Variants in MAPT observed in about 807,000 individuals in gnomAD.
The protein encoded by MAPT is microtubule-associated protein tau.
Under a neutral mutation model 67.9 loss-of-function variants are expected in MAPT, and 34 were observed. That is an observed-to-expected ratio of 0.50 (90% CI 0.38 to 0.67). The LOEUF is 0.67. Ranked by LOEUF, MAPT falls within the 30% of genes least tolerant of loss-of-function variation. The pLI, the probability that MAPT is intolerant of heterozygous loss-of-function variation, is 0.00. For synonymous variants in MAPT, 456 were observed against 464.5 expected (o/e 0.98, Z 0.23); for missense variants, 881 against 1,115.2 (o/e 0.79, Z 2.99).
At chr17:46,014,198 C>A in intron 10 of MAPT, 45 bp from the exon 11 acceptor site, 1 of 1,104,776 alleles carries the variant, frequency 9.1e-7, no homozygotes, top group Non-Finnish European at 1.4e-6. Context: ...CTGTCTTCCT[C>A]TCTCTCTGCC....
intron 1 of MAPT, among the ~76,000 whole-genome samples, chr17:45,903,185 G>A (rs942877564): frequency 1.3e-5 from 2 of 152,126 alleles, no homozygotes; most frequent in Non-Finnish European, 2.9e-5. Flanking sequence ...ACCGTGGGAC[G>A]GTGCTCCTCC....
chr17:45,980,471 T>A (rs1364545452), intron 4 of MAPT: 4 of 145,480 alleles, frequency 2.7e-5, no homozygotes, highest in Admixed American at 2.1e-4. Context: ...GCCACTGCAC[T>A]CCAGCCTGGG....
chr17:46,015,646 G>A (rs1160487502), intron 11 of MAPT, among the ~76,000 whole-genome samples: 3 of 152,154 alleles, frequency 2.0e-5, no homozygotes, highest in African/African-American at 7.2e-5. Context: ...GCGAGAGAGT[G>A]AGACTCCGTC....
rs1461136135 is a variant in MAPT at position 46,025,736 on chromosome 17, G to A, written c.*1565G>A. On this transcript the variant is annotated 3_prime_UTR_variant, in exon 13 of 13. Coordinates refer to ENST00000262410, the MANE Select transcript of MAPT (RefSeq NM_001377265.1). The stretch of plus-strand genomic sequence containing the variant: ...CCACAGCAGCAGGCTGGGTGTCTTG[G>A]TTGTCAGTGGTGGCACCAGGATGGA... 6.6e-6 allele frequency: 1 copy of A among 152,384 alleles called. No homozygotes were observed. Among genetic ancestry groups the A allele is most frequent in the Admixed American group, 6.5e-5 (1 of 15,290 alleles). The allele number at this position is 152,384 out of a possible 1,614,324, so 9.4% of individuals were successfully genotyped here.
intron 1 of MAPT, among the ~76,000 whole-genome samples, chr17:45,928,059 T>A (rs1469635283): frequency 7.3e-6 from 1 of 136,740 alleles, no homozygotes; most frequent in African/African-American, 2.7e-5. Flanking sequence ...CTCCATCTCC[T>A]CCCAACATGT....
In MAPT at chr17:45,996,957, A is replaced by G. The variant is rs1158032468; in HGVS notation, c.1998+293A>G. On this transcript the variant is annotated intron_variant, in intron 9 of 12. Coordinates refer to ENST00000262410, the MANE Select transcript of MAPT (RefSeq NM_001377265.1). The surrounding 1 kb of genome is among the most constrained non-coding windows in gnomAD (Gnocchi z 4.5). The stretch of plus-strand genomic sequence containing the variant: ...TCTCTTGCCCCTTCAGCCCCTGTTA[A>G]TCGGACAGAGATGGCAGGGCTGTGT... Among the ~76,000 whole-genome samples the G allele has an allele frequency of 6.6e-6, 1 of 152,120 alleles. No homozygotes were observed. The highest frequency in any genetic ancestry group is 6.6e-5 in the Admixed American group (1 of 15,266).
chr17:45,922,167 C>T (rs1473317458), intron 1 of MAPT, among the ~76,000 whole-genome samples: 2 of 152,008 alleles, frequency 1.3e-5, no homozygotes, highest in Non-Finnish European at 2.9e-5. Flanking sequence ...CATGCAGCAC[C>T]ACACCTGGCT....
intron 2 of MAPT, among the ~76,000 whole-genome samples, chr17:45,966,253 G>A (rs1174615777): frequency 3.3e-5 from 5 of 152,200 alleles, no homozygotes; most frequent in Admixed American, 2.0e-4. Context: ...CAAGTTTTCT[G>A]TAAATCTAAA....
intron 1 of MAPT, among the ~76,000 whole-genome samples, chr17:45,958,681 G>A (rs62063271): frequency 0.15 from 22,449 of 150,144 alleles, 2,168 homozygotes; most frequent in Non-Finnish European, 0.22. Flanking sequence ...AGATCACACC[G>A]CTGCACTCCA....
intron 1 of MAPT, among the ~76,000 whole-genome samples, chr17:45,940,878 C>A (rs1048150302): frequency 6.6e-6 from 1 of 152,128 alleles, no homozygotes; most frequent in Non-Finnish European, 1.5e-5. Context: ...TATCAAGGGG[C>A]TTTTTTCTTT....
At chr17:45,933,197 GACTA>G (rs1039094522) in intron 1 of MAPT, among the ~76,000 whole-genome samples, 9 of 151,048 alleles carry the variant, frequency 6.0e-5, no homozygotes, top group South Asian at 2.1e-4. Flanking sequence ...ATGAAAAGCA[GACTA>G]ACTATTAGTT....
intron 1 of MAPT, among the ~76,000 whole-genome samples, chr17:45,929,740 C>T (rs2066675981): frequency 6.6e-6 from 1 of 152,190 alleles, no homozygotes; most frequent in Non-Finnish European, 1.5e-5. Context: ...TTGTTATTCT[C>T]TTTCATCTGT....
rs111425380 is a variant in MAPT, at chr17:45,916,830, C to A, written c.-18+22144C>A. On this transcript the variant is annotated intron_variant, in intron 1 of 12. Coordinates refer to ENST00000262410, the MANE Select transcript of MAPT (RefSeq NM_001377265.1). ...GCCCAGAGAGGTACAGTTAACCTCC[C>A]CAGAGTCACACAGCAGGTTCATGGC... Among the ~76,000 whole-genome samples the A allele has an allele frequency of 4.9e-4, 75 of 152,310 alleles. 1 individual carries two copies. Among genetic ancestry groups the A allele is most frequent in the African/African-American group, 1.7e-3 (72 of 41,574 alleles).
rs977330185 is a variant in MAPT, at chr17:45,943,480, T to A, written c.-17-18841T>A. The stretch of plus-strand genomic sequence containing the variant: ...ATTTCCAACAGAATTGCCATCCTCT[T>A]CTCCCCTGCGACTTTCAGAGTGTGA... On this transcript the variant is annotated intron_variant, in intron 1 of 12. Coordinates refer to ENST00000262410, the MANE Select transcript of MAPT (RefSeq NM_001377265.1). Among the ~76,000 whole-genome samples the A allele has an allele frequency of 5.3e-5, 8 of 152,132 alleles. No individual in the cohort carries two copies. In the South Asian group the frequency reaches 1.5e-3, roughly 28 times the overall value.
chr17:45,999,480 G>A (rs1375142200), intron 9 of MAPT: 1 of 1,614,056 alleles, frequency 6.2e-7, no homozygotes, highest in South Asian at 1.1e-5. Context: ...AGGTTGGCTT[G>A]GAAGGTGTGG....
chr17:45,960,613 A>G (rs1349369325), intron 1 of MAPT, among the ~76,000 whole-genome samples: 2 of 152,220 alleles, frequency 1.3e-5, no homozygotes, highest in African/African-American at 2.4e-5. Context: ...ATAAGGTTGT[A>G]TTACTTTTCT....
rs192840932 is a variant in MAPT at position 45,983,535 on chromosome 17, G to C, written c.956G>C (p.Arg319Pro). The change falls in exon 5 of 13, where the codon CGG (arginine) becomes CCG (proline). Residue 319 changes from arginine to proline, a missense_variant. Arg to Pro is a moderately radical substitution (Grantham distance 103, BLOSUM62 -2). Coordinates refer to ENST00000262410, the MANE Select transcript of MAPT (RefSeq NM_001377265.1). ...AAGGCCTCCCCAGCCCAAGATGGGCGGCCTCCCCAGACAGCCGCCAGAGAA... is the reference window on the plus strand; with the variant it reads ...AAGGCCTCCCCAGCCCAAGATGGGCCGCCTCCCCAGACAGCCGCCAGAGAA... Reference protein sequence around the residue: ...PSKASPAQDGRPPQTAAREAT... With the variant: ...PSKASPAQDGPPPQTAAREAT... The C allele has an allele frequency of 3.1e-6, 5 of 1,612,840 alleles. No homozygotes were observed. Among genetic ancestry groups the C allele is most frequent in the Non-Finnish European group, 4.2e-6 (5 of 1,179,916 alleles).
intron 3 of MAPT, chr17:45,975,185 A>C (rs1452011864): frequency 6.6e-6 from 1 of 152,238 alleles, no homozygotes; most frequent in Non-Finnish European, 1.5e-5. Context: ...CACTGCACTT[A>C]CGTAAAGATG....
intron 9 of MAPT, among the ~76,000 whole-genome samples, chr17:45,998,761 G>A (rs181376172): frequency 3.4e-4 from 52 of 152,102 alleles, no homozygotes; most frequent in African/African-American, 1.1e-3. Flanking sequence ...GGGACAATGC[G>A]CTCCCTCGTC....
Sources: gnomAD v4.1 joint callset for allele counts (sites outside exome capture counted in the v4.1 genomes callset) on GRCh38, gnomAD v4.1.1 for gene constraint, Gnocchi (gnomAD v3.1) non-coding constraint, MANE v1.5 for transcripts, NCBI Gene and HGNC (gene_info 2026-07-23, HGNC 2026-07-21) for gene names.